Variants in RBFOX1 observed in about 807,000 individuals in gnomAD.
RBFOX1 encodes RNA binding protein fox-1 homolog 1.
A neutral mutation model predicts 57.7 loss-of-function variants in RBFOX1; 8 were observed. That is an observed-to-expected ratio of 0.14 (90% CI 0.08 to 0.25). RBFOX1 has a LOEUF of 0.25. RBFOX1 is among the 10% of genes least tolerant of loss of function. The probability of loss-of-function intolerance (pLI) is 1.00; values close to 1 mark genes in which losing one functional copy is unlikely to be tolerated. For missense variants in RBFOX1, 611 were observed against 548.5 expected (o/e 1.11, Z -1.14); for synonymous variants, 326 against 222.4 (o/e 1.47, Z -4.15).
chr16:6,538,770 A>C (rs187169797), intron 2 of RBFOX1, among the ~76,000 whole-genome samples: 1 of 152,254 alleles, frequency 6.6e-6, no homozygotes, highest in Admixed American at 6.5e-5. Flanking sequence ...GTTTTTTTTC[A>C]TGGCTTCTTC....
chr16:6,804,115 T>G (rs1477304559), intron 3 of RBFOX1, among the ~76,000 whole-genome samples: 1 of 152,040 alleles, frequency 6.6e-6, no homozygotes, highest in African/African-American at 2.4e-5. Context: ...CAAGTGATTC[T>G]CCTTGCCTCA....
intron 4 of RBFOX1, among the ~76,000 whole-genome samples, chr16:7,297,440 C>G (rs1401174167): frequency 6.6e-6 from 1 of 152,126 alleles, no homozygotes; most frequent in Non-Finnish European, 1.5e-5. Context: ...ATTTTGATTT[C>G]TGACATTGTC....
At chr16:5,583,995 G>A (rs778592841) in intron 2 of RBFOX1, among the ~76,000 whole-genome samples, 14 of 152,142 alleles carry the variant, frequency 9.2e-5, no homozygotes, top group Non-Finnish European at 1.8e-4. Flanking sequence ...TGGTTCCACC[G>A]AGTCTGGGTC....
chr16:5,514,485 C>T (rs1555454563), intron 2 of RBFOX1, among the ~76,000 whole-genome samples: 1 of 152,104 alleles, frequency 6.6e-6, no homozygotes, highest in Admixed American at 6.5e-5. Flanking sequence ...GGGGAAGGGG[C>T]AGTAAGACCT....
At chr16:7,581,589 CA>C (rs1319158156) in intron 6 of RBFOX1, among the ~76,000 whole-genome samples, 1 of 152,116 alleles carries the variant, frequency 6.6e-6, no homozygotes, top group Non-Finnish European at 1.5e-5. Context: ...TCAAAATATT[CA>C]CAGGAATCAG....
chr16:5,937,602 A>G lies in RBFOX1; in HGVS notation c.351+70267A>G, dbSNP rs1010006385. Among the ~76,000 whole-genome samples the G allele has an allele frequency of 1.6e-4, 24 of 150,740 alleles. No homozygotes were observed. In the Middle Eastern group the frequency reaches 0.011, roughly 68 times the overall value. On this transcript the variant is annotated intron_variant, in intron 4 of 19. Coordinates refer to the RBFOX1 transcript ENST00000641259. ...ATATATAACTATATGATACAGTTTTATATATATAGCTACATATAGAACTTT... is the reference window on the plus strand; with the variant it reads ...ATATATAACTATATGATACAGTTTTGTATATATAGCTACATATAGAACTTT...
chr16:7,688,988 G>A (rs1035709555), intron 14 of RBFOX1, among the ~76,000 whole-genome samples: 1 of 151,996 alleles, frequency 6.6e-6, no homozygotes, highest in African/African-American at 2.4e-5. Context: ...TTGGTCTTGA[G>A]CCAAGCCAAC....
At chr16:6,226,203 C>CAAAAA (rs543386716) in intron 1 of RBFOX1, among the ~76,000 whole-genome samples, 9 of 99,956 alleles carry the variant, frequency 9.0e-5, no homozygotes, top group African/African-American at 3.8e-4. Context: ...ACTAAAAATA[C>CAAAAA]AAAAAAAAAA....
intron 4 of RBFOX1, among the ~76,000 whole-genome samples, chr16:7,264,503 G>C (rs558443943): frequency 6.6e-6 from 1 of 152,300 alleles, no homozygotes; most frequent in East Asian, 1.9e-4. Context: ...AGCTAAGTAT[G>C]TTAGTCTTTG....
At chr16:7,379,386 C>T (rs1029887763) in intron 4 of RBFOX1, among the ~76,000 whole-genome samples, 4 of 151,704 alleles carry the variant, frequency 2.6e-5, no homozygotes, top group African/African-American at 7.3e-5. Flanking sequence ...CTAATTGGAG[C>T]GAATAAGAAA....
chr16:5,333,854 T>C lies in RBFOX1; in HGVS notation c.219+93749T>C, dbSNP rs534243084. Among the ~76,000 whole-genome samples, 8 of 152,286 alleles carry C rather than the reference T, an allele frequency of 5.3e-5. No homozygotes were observed. The South Asian group carries it at 1.2e-3, about 24-fold the overall frequency. ...AGTATTTGTGTATCATATCTCAACA[T>C]AGAAAAGGTACAGTAAAAATACAGC... On this transcript the variant is annotated intron_variant, in intron 1 of 2. Coordinates refer to the RBFOX1 transcript ENST00000585867.
intron 3 of RBFOX1, among the ~76,000 whole-genome samples, chr16:6,935,735 T>C (rs747793723): frequency 4.6e-5 from 7 of 152,166 alleles, no homozygotes; most frequent in Non-Finnish European, 2.9e-5. Flanking sequence ...GACATCTTCC[T>C]TGTTTTAATC....
rs192554575 is a variant in RBFOX1, at chr16:6,244,800, A to G, written c.-126-72195A>G. Reference sequence around the variant, plus strand: ...TGGGATTACAGGCGTGAGCCAACACACCCGGCAAACTTCATACTTTTGTTC... The same window carrying G: ...TGGGATTACAGGCGTGAGCCAACACGCCCGGCAAACTTCATACTTTTGTTC... On this transcript the variant is annotated intron_variant, in intron 1 of 15. Transcript: ENST00000550418. Among the ~76,000 whole-genome samples the G allele has an allele frequency of 1.2e-3, 183 of 152,106 alleles. 2 individuals are homozygous for G. The highest frequency in any genetic ancestry group is 3.4e-3 in the Middle Eastern group (1 of 294).
chr16:5,599,628 C>T (rs894923102), exon 3 of RBFOX1: 2 of 194,008 alleles, frequency 1.0e-5, no homozygotes, highest in Non-Finnish European at 2.1e-5. Context: ...GGCACACAGA[C>T]TGTTGCTGTT....
chr16:5,615,815 C>T (rs1030789754), intron 3 of RBFOX1, among the ~76,000 whole-genome samples: 2 of 152,192 alleles, frequency 1.3e-5, no homozygotes, highest in Admixed American at 6.5e-5. Context: ...GGGAGCCCAC[C>T]AGTGTTAGCA....
chr16:5,948,566 A>G (rs2059451706), intron 4 of RBFOX1, among the ~76,000 whole-genome samples: 2 of 152,194 alleles, frequency 1.3e-5, no homozygotes, highest in African/African-American at 2.4e-5. Context: ...TCCTTAAAAG[A>G]AGAGGGAAGT....
chr16:6,795,780 A>AG (rs202189886), intron 3 of RBFOX1, among the ~76,000 whole-genome samples: 1,334 of 111,780 alleles, frequency 0.012, 31 homozygotes, highest in African/African-American at 0.043. Context: ...TAAAAAATGA[A>AG]AAAAAAAAAA....
In RBFOX1 at chr16:6,437,967, A is replaced by T. The variant is rs185928343; in HGVS notation, c.-64+120910A>T. On this transcript the variant is annotated intron_variant, in intron 2 of 15. Transcript: ENST00000550418. ...TCAGCATGCCAATGAGGCTCTTCTG[A>T]TGGGACAAGGAAACTGCCAGGCTCC... Among the ~76,000 whole-genome samples the T allele has an allele frequency of 4.0e-4, 61 of 152,236 alleles. 1 individual carries two copies. Among genetic ancestry groups the T allele is most frequent in the Non-Finnish European group, 2.2e-4 (15 of 68,010 alleles).
At chr16:6,566,102 T>C (rs931952002) in intron 2 of RBFOX1, among the ~76,000 whole-genome samples, 1 of 152,200 alleles carries the variant, frequency 6.6e-6, no homozygotes, top group Non-Finnish European at 1.5e-5. Context: ...CCCAAAGTAA[T>C]GTGTGTCATC....
Sources: gnomAD v4.1 joint callset for allele counts (sites outside exome capture counted in the v4.1 genomes callset) on GRCh38, gnomAD v4.1.1 for gene constraint, MANE v1.5 for transcripts, NCBI Gene and HGNC (gene_info 2026-07-23, HGNC 2026-07-21) for gene names.